KCTD16: variants seen among roughly 807,000 people sequenced by gnomAD.
KCTD16 encodes BTB/POZ domain-containing protein KCTD16.
In KCTD16, 13 loss-of-function variants were observed where a neutral mutation model predicts 33.2. That is an observed-to-expected ratio of 0.39 (90% confidence interval 0.25 to 0.62). The LOEUF is 0.62. KCTD16 is among the 20% of genes least tolerant of loss of function. The pLI is 0.50. For synonymous variants in KCTD16, 197 were observed against 195.3 expected (o/e 1.01, Z -0.07); for missense variants, 441 against 525.1 (o/e 0.84, Z 1.57).
chr5:144,203,419 A>G (rs774805982), intron 2 of KCTD16, among the ~76,000 whole-genome samples: 3 of 152,124 alleles, frequency 2.0e-5, no homozygotes, highest in Non-Finnish European at 4.4e-5. Context: ...AAGAATATCT[A>G]AGGTTAAAAT....
intron 3 of KCTD16, among the ~76,000 whole-genome samples, chr5:144,310,907 A>C (rs1231082113): frequency 6.6e-6 from 1 of 152,110 alleles, no homozygotes; most frequent in Non-Finnish European, 1.5e-5. Flanking sequence ...AGCTCTGAGG[A>C]GCGGGAAAAT....
Position 144,388,173 on chromosome 5 carries a change from G to A in KCTD16, c.833-85487G>A, listed in dbSNP as rs975881189. Among the ~76,000 whole-genome samples, 17 of 138,396 alleles carry A rather than the reference G, an allele frequency of 1.2e-4. 1 individual carries two copies. Among genetic ancestry groups the A allele is most frequent in the Admixed American group, 1.1e-3 (14 of 12,468 alleles). 90.8% of individuals were successfully genotyped at this position (138,396 alleles called of 152,430 possible). A position where few individuals can be genotyped will look rare whatever the true frequency, so the allele number is the denominator to read the frequency against. On this transcript the variant is annotated intron_variant, in intron 3 of 3. Coordinates refer to ENST00000512467, the MANE Select transcript of KCTD16 (RefSeq NM_020768.4). Reference sequence around the variant, plus strand: ...CGGCTCACTGCAAGCTCCGCCTCCCGGGTTCACGCCATTCTCCTCTCTCAG... The same window carrying A: ...CGGCTCACTGCAAGCTCCGCCTCCCAGGTTCACGCCATTCTCCTCTCTCAG...
chr5:144,423,589 C>T (rs1753257176), intron 3 of KCTD16, among the ~76,000 whole-genome samples: 1 of 152,072 alleles, frequency 6.6e-6, no homozygotes, highest in South Asian at 2.1e-4. Flanking sequence ...TACTAAGTAT[C>T]TTACAATGCA....
intron 3 of KCTD16, among the ~76,000 whole-genome samples, chr5:144,401,929 C>A (rs1428043705): frequency 6.6e-6 from 1 of 152,048 alleles, no homozygotes; most frequent in Non-Finnish European, 1.5e-5. Flanking sequence ...GATTCCTGTT[C>A]TCTTCATTTA....
intron 3 of KCTD16, among the ~76,000 whole-genome samples, chr5:144,401,142 T>TCAC (rs1302175070): frequency 6.6e-6 from 1 of 152,178 alleles, no homozygotes; most frequent in African/African-American, 2.4e-5. Context: ...GAGTGCCAGC[T>TCAC]CTGATACGTG....
chr5:144,292,192 G>A (rs756793179), intron 3 of KCTD16, among the ~76,000 whole-genome samples: 9 of 152,230 alleles, frequency 5.9e-5, no homozygotes, highest in East Asian at 1.9e-4. Context: ...GAGGGGCAGG[G>A]CCTGTGAGAG....
At chr5:144,393,462 T>C (rs1580927506) in intron 3 of KCTD16, among the ~76,000 whole-genome samples, 1 of 152,188 alleles carries the variant, frequency 6.6e-6, no homozygotes, top group East Asian at 1.9e-4. Flanking sequence ...TTTCTAGCCC[T>C]GTGTCATACT....
rs60817666 is a variant in KCTD16 at position 144,345,867 on chromosome 5, CTT to C, written c.833-127791_833-127790del. On this transcript the variant is annotated intron_variant, in intron 3 of 3. Coordinates refer to ENST00000512467, the MANE Select transcript of KCTD16 (RefSeq NM_020768.4). ...GAGTTACAAACAATCTGATTATACT[CTT>C]TAAGTTATTTAAAAATGGACAATTA... Among the ~76,000 whole-genome samples the C allele has an allele frequency of 1.9e-3, 284 of 151,932 alleles. 2 individuals carry two copies. Among genetic ancestry groups the C allele is most frequent in the African/African-American group, 6.4e-3 (264 of 41,460 alleles).
chr5:144,297,091 A>G (rs184421465), intron 3 of KCTD16, among the ~76,000 whole-genome samples: 2 of 152,246 alleles, frequency 1.3e-5, no homozygotes, highest in African/African-American at 4.8e-5. Flanking sequence ...TGAGATTATA[A>G]GAGCCAATCT....
intron 3 of KCTD16, among the ~76,000 whole-genome samples, chr5:144,225,801 T>G (rs1370532501): frequency 6.6e-6 from 1 of 152,206 alleles, no homozygotes; most frequent in Non-Finnish European, 1.5e-5. Flanking sequence ...GCTTCTTTTT[T>G]AGTAGCTTGC....
rs1754664451 is a variant in KCTD16 at position 144,479,550 on chromosome 5, A to G, written c.*5436A>G. 1 of 151,858 alleles carries G rather than the reference A, an allele frequency of 6.6e-6. No individual in the cohort carries two copies. Among genetic ancestry groups the G allele is most frequent in the South Asian group, 2.1e-4 (1 of 4,820 alleles). The allele number at this position is 151,858 out of a possible 1,614,324, so 9.4% of individuals were successfully genotyped here. A position where few individuals can be genotyped will look rare whatever the true frequency, so the allele number is the denominator to read the frequency against. On this transcript the variant is annotated 3_prime_UTR_variant, in exon 4 of 4. Coordinates refer to ENST00000512467, the MANE Select transcript of KCTD16 (RefSeq NM_020768.4). ...ATCATGAGTGAATATTTGAGTAAAT[A>G]TTGCCAAAGGAAAGTGAAGGATGTT...
At chr5:144,347,821 T>C (rs1269732676) in intron 3 of KCTD16, among the ~76,000 whole-genome samples, 6 of 152,152 alleles carry the variant, frequency 3.9e-5, no homozygotes, top group Non-Finnish European at 8.8e-5. Context: ...GGGGATCTCT[T>C]CTGCCTGGGA....
At chr5:144,381,018 A>G (rs1319559591) in intron 3 of KCTD16, among the ~76,000 whole-genome samples, 6 of 152,182 alleles carry the variant, frequency 3.9e-5, no homozygotes, top group African/African-American at 1.4e-4. Context: ...TAAACAGACA[A>G]CCTATAGAAT....
chr5:144,444,341 G>T (rs1442442037), intron 3 of KCTD16, among the ~76,000 whole-genome samples: 1 of 151,856 alleles, frequency 6.6e-6, no homozygotes, highest in Non-Finnish European at 1.5e-5. Flanking sequence ...AAAAATCATG[G>T]TTCTCAATAA....
intron 3 of KCTD16, among the ~76,000 whole-genome samples, chr5:144,375,971 G>A (rs1333685931): frequency 1.3e-5 from 2 of 151,974 alleles, no homozygotes; most frequent in African/African-American, 2.4e-5. Context: ...TTACAGGCAC[G>A]AGCCGCTAAA....
chr5:144,197,013 G>T (rs2126783350), intron 2 of KCTD16, among the ~76,000 whole-genome samples: 1 of 152,252 alleles, frequency 6.6e-6, no homozygotes, highest in Admixed American at 6.5e-5. Flanking sequence ...TAAATCTTGT[G>T]CCCGGTATGT....
At chr5:144,374,029 A>G (rs1200255171) in intron 3 of KCTD16, among the ~76,000 whole-genome samples, 1 of 152,162 alleles carries the variant, frequency 6.6e-6, no homozygotes, top group Non-Finnish European at 1.5e-5. Flanking sequence ...GCCTCTATGT[A>G]CAGACCATTA....
intron 3 of KCTD16, among the ~76,000 whole-genome samples, chr5:144,295,467 G>C (rs1037113965): frequency 6.6e-6 from 1 of 152,164 alleles, no homozygotes; most frequent in Non-Finnish European, 1.5e-5. Context: ...ACAAACTCCA[G>C]GGGAGGCAGT....
chr5:144,470,796 G>T (rs1754451337), intron 3 of KCTD16, among the ~76,000 whole-genome samples: 2 of 152,186 alleles, frequency 1.3e-5, no homozygotes, highest in South Asian at 4.1e-4. Context: ...CCATTGCCAG[G>T]TTCCTGGCTT....
Sources: gnomAD v4.1 joint callset for allele counts (sites outside exome capture counted in the v4.1 genomes callset) on GRCh38, gnomAD v4.1.1 for gene constraint, MANE v1.5 for transcripts, NCBI Gene and HGNC (gene_info 2026-07-23, HGNC 2026-07-21) for gene names.